The following SEPTIN9 variants were observed in gnomAD, a reference collection of about 807,000 sequenced individuals.
The protein encoded by SEPTIN9 is septin-9.
In SEPTIN9, 13 loss-of-function variants were observed where a neutral mutation model predicts 56.6. That is an observed-to-expected ratio of 0.23 (90% CI 0.15 to 0.37). SEPTIN9 has a LOEUF of 0.37. SEPTIN9 is among the 10% of genes least tolerant of loss of function. The pLI, the probability that SEPTIN9 is intolerant of heterozygous loss-of-function variation, is 1.00. For missense variants in SEPTIN9, 650 were observed against 823.1 expected (o/e 0.79, Z 2.57); for synonymous variants, 332 against 334.1 (o/e 0.99, Z 0.07).
rs1486899377 is a variant in SEPTIN9, at chr17:77,390,724, T to G, written c.77-11335T>G. Among the ~76,000 whole-genome samples, 6 of 152,280 alleles carry G rather than the reference T, an allele frequency of 3.9e-5. No homozygotes were observed. In the South Asian group the frequency reaches 1.2e-3, roughly 32 times the overall value. Reference sequence around the variant, plus strand: ...CCTCTGCCTCCCAAAGTGCTGGGATTACAGGCGTGAGCCGCCGCGCCCGGC... The same window carrying G: ...CCTCTGCCTCCCAAAGTGCTGGGATGACAGGCGTGAGCCGCCGCGCCCGGC... On this transcript the variant is annotated intron_variant, in intron 2 of 11. Transcript: ENST00000427177.
chr17:77,385,356 G>A (rs1215879961), intron 2 of SEPTIN9, among the ~76,000 whole-genome samples: 4 of 151,576 alleles, frequency 2.6e-5, no homozygotes, highest in East Asian at 3.9e-4. Context: ...GCCTCCATTC[G>A]GAGGCTGCTG....
intron 3 of SEPTIN9, among the ~76,000 whole-genome samples, chr17:77,404,305 T>C (rs908107181): frequency 2.0e-5 from 3 of 152,142 alleles, no homozygotes; most frequent in African/African-American, 7.2e-5. Context: ...CGTGCAGTGG[T>C]GTGATCACTG....
intron 3 of SEPTIN9, among the ~76,000 whole-genome samples, chr17:77,443,778 A>G (rs2037635507): frequency 6.6e-6 from 1 of 152,102 alleles, no homozygotes; most frequent in African/African-American, 2.4e-5. Flanking sequence ...AGCCTGGGCA[A>G]CAGAGCCAGA....
At chr17:77,412,611 G>A (rs919746052) in intron 3 of SEPTIN9, among the ~76,000 whole-genome samples, 16 of 151,946 alleles carry the variant, frequency 1.1e-4, no homozygotes, top group South Asian at 2.1e-4. Flanking sequence ...CTGTAGTCCC[G>A]GCTACTCGGG....
rs1310488917 is a variant in SEPTIN9, at chr17:77,382,614, G to A, written c.77-19445G>A. Among the ~76,000 whole-genome samples, 3 of 152,276 alleles carry A rather than the reference G, an allele frequency of 2.0e-5. No homozygotes were observed. The East Asian group carries it at 5.8e-4, about 29-fold the overall frequency. The stretch of plus-strand genomic sequence containing the variant: ...ATAACCCAGGTGGGAGAGAGGCACT[G>A]TTGGAGAGGCAGAGGGAGCTGCAGG... On this transcript the variant is annotated intron_variant, in intron 2 of 11. Coordinates refer to ENST00000427177, the MANE Select transcript of SEPTIN9 (RefSeq NM_001113491.2).
chr17:77,464,933 A>G (rs1028870526), intron 3 of SEPTIN9, among the ~76,000 whole-genome samples: 2 of 152,176 alleles, frequency 1.3e-5, no homozygotes, highest in African/African-American at 4.8e-5. Flanking sequence ...AGCCATCGCC[A>G]TTAATCCCAG....
chr17:77,475,810 T>G lies in SEPTIN9; in HGVS notation c.722-6334T>G. 1 of 1,613,260 alleles carries G rather than the reference T, an allele frequency of 6.2e-7. No homozygotes were observed. Among genetic ancestry groups the G allele is most frequent in the East Asian group, 2.2e-5 (1 of 44,878 alleles). On this transcript the variant is annotated intron_variant, in intron 3 of 11. Coordinates refer to ENST00000427177, the MANE Select transcript of SEPTIN9 (RefSeq NM_001113491.2). This position sits in a 1 kb window ranked among gnomAD's most constrained non-coding sequence, Gnocchi z 4.6. ...GTGTGGTGAGTGCCACCGGCTCCCC[T>G]GCCGTGGCCTGGTCAGTGGCTTCAC...
chr17:77,477,841 T>C (rs1054608527), intron 3 of SEPTIN9, among the ~76,000 whole-genome samples: 1 of 152,180 alleles, frequency 6.6e-6, no homozygotes, highest in African/African-American at 2.4e-5. Flanking sequence ...AATCAGAACC[T>C]TTCTGAGAGT....
In SEPTIN9 at chr17:77,323,393, A is replaced by T. The variant is rs184112980; in HGVS notation, c.76+16196A>T. 5.1e-3 allele frequency among the ~76,000 whole-genome samples: 777 copies of T among 152,104 alleles called. 4 individuals carry two copies. Among genetic ancestry groups the T allele is most frequent in the Non-Finnish European group, 8.9e-3 (608 of 67,968 alleles). ...TCCAAGAGCTTGTATTTCAGCAGGG[A>T]GAGAGTCTCCAAGAAGGGAACTTTC... On this transcript the variant is annotated intron_variant, in intron 2 of 11. Transcript: ENST00000427177. This position sits in a 1 kb window ranked among gnomAD's most constrained non-coding sequence, Gnocchi z 6.8.
chr17:77,326,607 G>A lies in SEPTIN9; in HGVS notation c.76+19410G>A, dbSNP rs2033150727. Among the ~76,000 whole-genome samples the A allele has an allele frequency of 6.6e-6, 1 of 152,206 alleles. No homozygotes were observed. ...GGGGTTGAAAGAGACTGACTGTCAT[G>A]TTGTGAAATATACACTTGGTTTTCA... is the stretch of plus-strand genomic sequence containing the variant. On this transcript the variant is annotated intron_variant, in intron 2 of 11. Coordinates refer to ENST00000427177, the MANE Select transcript of SEPTIN9 (RefSeq NM_001113491.2). The surrounding 1 kb of genome is among the most constrained non-coding windows in gnomAD (Gnocchi z 5.1).
chr17:77,357,826 A>G (rs558799174), intron 2 of SEPTIN9, among the ~76,000 whole-genome samples: 52 of 152,288 alleles, frequency 3.4e-4, no homozygotes, highest in East Asian at 1.5e-3. Flanking sequence ...GTATTCACCC[A>G]GGACCACTTC....
Position 77,330,852 on chromosome 17 carries a change from G to T in SEPTIN9, c.76+23655G>T, listed in dbSNP as rs1411928950. On this transcript the variant is annotated intron_variant, in intron 2 of 11. Coordinates refer to ENST00000427177, the MANE Select transcript of SEPTIN9 (RefSeq NM_001113491.2). The surrounding 1 kb of genome is among the most constrained non-coding windows in gnomAD (Gnocchi z 4.4). ...TTCACTGTCCCTGCCTGGCCCCAGT[G>T]CTCATGTGGCTTGTGGCCCTCAGTC... Among the ~76,000 whole-genome samples the T allele has an allele frequency of 2.6e-5, 4 of 152,336 alleles. No homozygotes were observed. In the East Asian group the frequency reaches 7.7e-4, roughly 29 times the overall value.
intron 1 of SEPTIN9, chr17:77,286,214 C>T (rs1459234900): frequency 6.6e-6 from 1 of 152,356 alleles, no homozygotes; most frequent in African/African-American, 2.4e-5. Context: ...GGGGCCAGCC[C>T]TCTCCCTAGT....
chr17:77,490,878 T>C lies in SEPTIN9; in HGVS notation c.1380+19T>C, dbSNP rs1393833604. ...ACAGCGGGTAGGGTTCCATCTCTAC[T>C]TGCCCCAGCCCTTCTGTGCAACCTG... On this transcript the variant is annotated intron_variant, in intron 8 of 11. Transcript: ENST00000427177. 1.9e-6 allele frequency: 3 copies of C among 1,540,272 alleles called. No homozygotes were observed. Among genetic ancestry groups the C allele is most frequent in the Non-Finnish European group, 2.6e-6 (3 of 1,134,530 alleles).
At position 77,363,215 on chromosome 17, in the gene SEPTIN9, G is replaced by A. The variant is rs181051915; in HGVS notation, c.77-38844G>A. On this transcript the variant is annotated intron_variant, in intron 2 of 11. Coordinates refer to ENST00000427177, the MANE Select transcript of SEPTIN9 (RefSeq NM_001113491.2). ...GGACCCAAGACCCTGGGGAAGGCAC[G>A]AGTCAGGGGCCTGCTAGAGCCAGGA... is the stretch of plus-strand genomic sequence containing the variant. Among the ~76,000 whole-genome samples the A allele has an allele frequency of 8.5e-5, 13 of 152,246 alleles. No homozygotes were observed. In the East Asian group the frequency reaches 1.9e-3, roughly 23 times the overall value.
rs759025209 is a variant in SEPTIN9 at position 77,402,082 on chromosome 17, G to A, written c.100G>A (p.Glu34Lys). Residue 34 changes from glutamate (E) to lysine (K), a missense_variant, in exon 3 of 12, where the codon GAG (glutamate) becomes AAG (lysine). Physicochemically the swap from Glu to Lys is moderately conservative, Grantham distance 56 (BLOSUM62 1). Transcript: ENST00000427177. The surrounding 1 kb of genome is among the most constrained non-coding windows in gnomAD (Gnocchi z 6.6). ...GPALKRSFEVEEVETPNSTPP... is the reference protein window; with the variant it reads ...GPALKRSFEVKEVETPNSTPP... ...AGCCTTGAAAAGATCTTTTGAGGTC[G>A]AGGAGGTCGAGACACCCAACTCCAC... 1.9e-6 allele frequency: 3 copies of A among 1,613,250 alleles called. No individual in the cohort carries two copies. The highest frequency in any genetic ancestry group is 1.7e-5 in the Admixed American group (1 of 59,918).
rs374767907 is a variant in SEPTIN9, at chr17:77,443,662, C to T, written c.722-38482C>T. ...ACAAAAAAAAATTAGCTTGGCGTGGCGGCGCATGCTTGTAATCCCAGCTAC... is the reference window on the plus strand; with the variant it reads ...ACAAAAAAAAATTAGCTTGGCGTGGTGGCGCATGCTTGTAATCCCAGCTAC... On this transcript the variant is annotated intron_variant, in intron 3 of 11. Coordinates refer to ENST00000427177, the MANE Select transcript of SEPTIN9 (RefSeq NM_001113491.2). Among the ~76,000 whole-genome samples, 16 of 151,950 alleles carry T rather than the reference C, an allele frequency of 1.1e-4. No individual in the cohort carries two copies. The South Asian group carries it at 2.9e-3, about 28-fold the overall frequency.
At chr17:77,285,521 C>T (rs2031233702) in intron 1 of SEPTIN9, among the ~76,000 whole-genome samples, 2 of 152,182 alleles carry the variant, frequency 1.3e-5, no homozygotes, top group African/African-American at 2.4e-5. Context: ...CCTCAGCCTC[C>T]TGAGTAGCTG....
chr17:77,416,913 C>T (rs902173498), intron 3 of SEPTIN9, among the ~76,000 whole-genome samples: 1 of 152,246 alleles, frequency 6.6e-6, no homozygotes, highest in Non-Finnish European at 1.5e-5. Flanking sequence ...GGGCCCACCT[C>T]CTGGCTCCAG....
Sources: gnomAD v4.1 joint callset for allele counts (sites outside exome capture counted in the v4.1 genomes callset) on GRCh38, gnomAD v4.1.1 for gene constraint, Gnocchi (gnomAD v3.1) non-coding constraint, MANE v1.5 for transcripts, NCBI Gene and HGNC (gene_info 2026-07-23, HGNC 2026-07-21) for gene names.